CHODL: variants seen among roughly 807,000 people sequenced by gnomAD.
CHODL encodes the protein transmembrane protein MT75.
Under a neutral mutation model 34.5 loss-of-function variants are expected in CHODL, and 29 were observed. That is an observed-to-expected ratio of 0.84 (90% confidence interval 0.63 to 1.15). The LOEUF is 1.15. Ranked by LOEUF, CHODL falls within the 50% of genes most tolerant of loss-of-function variation. The pLI, the probability that CHODL is intolerant of heterozygous loss-of-function variation, is 0.00. For synonymous variants in CHODL, 125 were observed against 116.1 expected (o/e 1.08, Z -0.49); for missense variants, 332 against 332.5 (o/e 1.00, Z 0.01).
At chr21:18,077,758 TC>T (rs1375621842) in intron 2 of CHODL, among the ~76,000 whole-genome samples, 1 of 152,178 alleles carries the variant, frequency 6.6e-6, no homozygotes, top group African/African-American at 2.4e-5. Context: ...ATCTTGGACT[TC>T]CAAGCCTCCC....
chr21:18,013,854 C>T (rs551790310), intron 1 of CHODL, among the ~76,000 whole-genome samples: 106 of 151,880 alleles, frequency 7.0e-4, no homozygotes, highest in Non-Finnish European at 1.3e-3. Context: ...AGGCTGGTCT[C>T]GAACTCCTGA....
At chr21:18,107,021 G>A (rs2065281815) in intron 2 of CHODL, among the ~76,000 whole-genome samples, 1 of 152,188 alleles carries the variant, frequency 6.6e-6, no homozygotes, top group African/African-American at 2.4e-5. Flanking sequence ...ATTATGATAA[G>A]AAGGACTAAG....
intron 1 of CHODL, among the ~76,000 whole-genome samples, chr21:17,920,609 A>G (rs1008696763): frequency 6.6e-6 from 1 of 152,220 alleles, no homozygotes; most frequent in Non-Finnish European, 1.5e-5. Context: ...TAAACTCACA[A>G]GTTGTTGTAA....
In CHODL at chr21:18,245,120, C is replaced by A; in HGVS notation, c.-104C>A. On this transcript the variant is annotated 5_prime_UTR_variant, in exon 1 of 6. Coordinates refer to ENST00000299295, the MANE Select transcript of CHODL (RefSeq NM_024944.3). Reference sequence around the variant, plus strand: ...CTGGGCTCGGGCGGCGGGAGTAGGGCCCGGCAGGGAGGCAGGGAGGCTGCA... The same window carrying A: ...CTGGGCTCGGGCGGCGGGAGTAGGGACCGGCAGGGAGGCAGGGAGGCTGCA... 1.9e-6 allele frequency: 2 copies of A among 1,026,296 alleles called. No homozygotes were observed. Among genetic ancestry groups the A allele is most frequent in the Non-Finnish European group, 2.7e-6 (2 of 746,052 alleles). The allele number at this position is 1,026,296 out of a possible 1,614,324, so 63.6% of individuals were successfully genotyped here.
chr21:17,944,412 G>A (rs893077473), intron 1 of CHODL, among the ~76,000 whole-genome samples: 15 of 152,144 alleles, frequency 9.9e-5, no homozygotes, highest in Non-Finnish European at 4.4e-5. Context: ...AAATGTAACA[G>A]CTAGTCCTGC....
chr21:18,228,940 C>G (rs914881764), intron 2 of CHODL, among the ~76,000 whole-genome samples: 3 of 152,086 alleles, frequency 2.0e-5, no homozygotes, highest in Non-Finnish European at 4.4e-5. Flanking sequence ...CAATGCCTTC[C>G]TAATTTACCA....
rs116130919 is a variant in CHODL, at chr21:18,053,706, T to C, written c.-45+25735T>C. 7.1e-3 allele frequency among the ~76,000 whole-genome samples: 1,076 copies of C among 151,916 alleles called. 18 individuals carry two copies. Among genetic ancestry groups the C allele is most frequent in the African/African-American group, 0.025 (1,024 of 41,494 alleles). On this transcript the variant is annotated intron_variant, in intron 2 of 6. Coordinates refer to the CHODL transcript ENST00000400127. Reference sequence around the variant, plus strand: ...CTGCTTCATTTGAAATCAGAGTTAGTGAGAAGTACAAAGAGTTGGTAATAA... The same window carrying C: ...CTGCTTCATTTGAAATCAGAGTTAGCGAGAAGTACAAAGAGTTGGTAATAA...
At chr21:18,161,222 A>G (rs1601088004) in intron 2 of CHODL, among the ~76,000 whole-genome samples, 1 of 152,088 alleles carries the variant, frequency 6.6e-6, no homozygotes, top group African/African-American at 2.4e-5. Context: ...ATAGATGTAA[A>G]GGCATAAAAC....
chr21:18,071,555 C>T (rs540364805), intron 2 of CHODL, among the ~76,000 whole-genome samples: 12 of 151,934 alleles, frequency 7.9e-5, no homozygotes, highest in Non-Finnish European at 1.8e-4. Flanking sequence ...TCATTTCTAC[C>T]CTCTACACAG....
At position 18,245,032 on chromosome 21, in the gene CHODL, G is replaced by A; in HGVS notation, c.-192G>A. The A allele has an allele frequency of 4.1e-6, 2 of 485,292 alleles. No homozygotes were observed. The highest frequency in any genetic ancestry group is 7.0e-5 in the South Asian group (2 of 28,626). The allele number at this position is 485,292 out of a possible 1,614,324, so 30.1% of individuals were successfully genotyped here. ...GAACTCCAGCCCCGCACATCCACGC[G>A]CGGCACAGGCGCGGCAGGCGGCAGG... On this transcript the variant is annotated 5_prime_UTR_variant, in exon 1 of 6. Coordinates refer to ENST00000299295, the MANE Select transcript of CHODL (RefSeq NM_024944.3).
chr21:18,157,967 GAGAC>G (rs1281792693), intron 2 of CHODL, among the ~76,000 whole-genome samples: 1 of 150,004 alleles, frequency 6.7e-6, no homozygotes, highest in Non-Finnish European at 1.5e-5. Context: ...AAAAAAAAAA[GAGAC>G]AGAAAAGGAA....
chr21:18,098,469 C>G (rs147970650), intron 2 of CHODL, among the ~76,000 whole-genome samples: 27 of 152,068 alleles, frequency 1.8e-4, no homozygotes, highest in African/African-American at 3.9e-4. Context: ...TGCTCAATTT[C>G]TTTTTAGAGA....
At chr21:18,132,355 A>G (rs1225572114) in intron 2 of CHODL, among the ~76,000 whole-genome samples, 1 of 152,214 alleles carries the variant, frequency 6.6e-6, no homozygotes, top group Admixed American at 6.5e-5. Context: ...CTGATTAAGC[A>G]TTTTGCAGAT....
intron 1 of CHODL, among the ~76,000 whole-genome samples, chr21:18,015,242 A>G (rs1380564240): frequency 1.3e-5 from 2 of 152,122 alleles, no homozygotes; most frequent in Non-Finnish European, 2.9e-5. Flanking sequence ...TGCTGTTCCC[A>G]TGATAGTGAG....
At chr21:18,043,303 A>G (rs537293431) in intron 2 of CHODL, among the ~76,000 whole-genome samples, 1 of 152,128 alleles carries the variant, frequency 6.6e-6, no homozygotes, top group East Asian at 1.9e-4. Context: ...TGATGTTTTT[A>G]ATAACATTAT....
chr21:17,923,382 TAAAA>T (rs1186702940), intron 1 of CHODL, among the ~76,000 whole-genome samples: 6 of 132,044 alleles, frequency 4.5e-5, no homozygotes, highest in Admixed American at 2.2e-4. Context: ...TAAAATAAAT[TAAAA>T]AAAGTAAAAA....
intron 2 of CHODL, among the ~76,000 whole-genome samples, chr21:18,088,133 T>TATCATGAG (rs905092797): frequency 6.6e-6 from 1 of 152,122 alleles, no homozygotes; most frequent in African/African-American, 2.4e-5. Flanking sequence ...GATTACAATT[T>TATCATGAG]ATCATGAGAT....
chr21:17,981,247 A>G (rs1202535079), intron 1 of CHODL, among the ~76,000 whole-genome samples: 1 of 152,194 alleles, frequency 6.6e-6, no homozygotes, highest in East Asian at 1.9e-4. Flanking sequence ...TGCTGCTAGA[A>G]GGAACTTTCA....
intron 2 of CHODL, among the ~76,000 whole-genome samples, chr21:18,113,249 C>G (rs1469507052): frequency 6.6e-6 from 1 of 152,032 alleles, no homozygotes; most frequent in Non-Finnish European, 1.5e-5. Flanking sequence ...AAAAGACAGG[C>G]AATAACAAAT....
Sources: gnomAD v4.1 joint callset for allele counts (sites outside exome capture counted in the v4.1 genomes callset) on GRCh38, gnomAD v4.1.1 for gene constraint, MANE v1.5 for transcripts, NCBI Gene and HGNC (gene_info 2026-07-23, HGNC 2026-07-21) for gene names.